Variants in LYN observed in about 807,000 individuals in gnomAD.
LYN encodes the protein tyrosine-protein kinase Lyn.
In LYN, 12 loss-of-function variants were observed where a neutral mutation model predicts 65.0. The ratio of observed to expected loss-of-function variants is 0.18; its 90% CI spans 0.12 to 0.30. The LOEUF is 0.30. LYN is among the 10% of genes least tolerant of loss of function. LYN has a pLI of 1.00. For missense variants in LYN, 380 were observed against 623.2 expected, an observed-to-expected ratio of 0.61 and a Z score of 4.16; for synonymous variants, 222 against 221.2, an observed-to-expected ratio of 1.00 and a Z score of -0.03.
chr8:55,974,593 A>T (rs1412324483), intron 10 of LYN, among the ~76,000 whole-genome samples: 1 of 152,166 alleles, frequency 6.6e-6, no homozygotes, highest in East Asian at 1.9e-4. Context: ...GAAACTCACC[A>T]GTATGTTGGT....
chr8:55,959,988 G>A (rs951121660), intron 8 of LYN, among the ~76,000 whole-genome samples: 16 of 152,198 alleles, frequency 1.1e-4, no homozygotes, highest in African/African-American at 3.9e-4. Context: ...GAAAGTAGAT[G>A]ACTGGTTGCC....
intron 2 of LYN, among the ~76,000 whole-genome samples, chr8:55,943,153 A>G (rs1301648811): frequency 1.3e-5 from 2 of 152,216 alleles, no homozygotes; most frequent in African/African-American, 2.4e-5. Context: ...GAACAATTAT[A>G]ACCTGAAATC....
chr8:55,922,599 T>C (rs1004584244), intron 1 of LYN, among the ~76,000 whole-genome samples: 3 of 151,906 alleles, frequency 2.0e-5, no homozygotes, highest in Admixed American at 6.6e-5. Context: ...GAAACCCCAT[T>C]TCAACTAAAA....
chr8:55,925,787 T>A (rs1426291148), intron 1 of LYN, among the ~76,000 whole-genome samples: 5 of 152,226 alleles, frequency 3.3e-5, no homozygotes, highest in African/African-American at 1.2e-4. Flanking sequence ...TGTCTTGCTG[T>A]GTTTGATTTT....
intron 1 of LYN, among the ~76,000 whole-genome samples, chr8:55,918,152 ACT>A (rs1028336388): frequency 1.3e-5 from 2 of 151,988 alleles, no homozygotes; most frequent in African/African-American, 4.8e-5. Context: ...ACAGGTCTCC[ACT>A]CTCTGCTGTC....
Position 55,953,996 on chromosome 8 carries a change from G to A in LYN, c.790+12G>A. Reference sequence around the variant, plus strand: ...GGAAGTCTGGATGGGTAAGTGTGCGGCTCGGGGATCTATGTCCTTCTAGAG... The same window carrying A: ...GGAAGTCTGGATGGGTAAGTGTGCGACTCGGGGATCTATGTCCTTCTAGAG... On this transcript the variant is annotated intron_variant, in intron 8 of 12. Transcript: ENST00000519728. 1 of 1,613,050 alleles carries A rather than the reference G, an allele frequency of 6.2e-7. No individual in the cohort carries two copies. The highest frequency in any genetic ancestry group is 8.5e-7 in the Non-Finnish European group (1 of 1,179,594).
intron 1 of LYN, among the ~76,000 whole-genome samples, chr8:55,911,608 A>G (rs1437856245): frequency 6.6e-6 from 1 of 151,974 alleles, no homozygotes; most frequent in Non-Finnish European, 1.5e-5. Flanking sequence ...AAGTATTTAT[A>G]CATATGTGAA....
chr8:55,969,590 C>T, intron 9 of LYN, 127 bp from the exon 10 acceptor site: 1 of 748,690 alleles, frequency 1.3e-6, no homozygotes, highest in Non-Finnish European at 2.4e-6. Context: ...TTTATATAAC[C>T]ATACAGAATT....
intron 1 of LYN, among the ~76,000 whole-genome samples, chr8:55,905,038 G>A (rs1310242970): frequency 6.6e-6 from 1 of 152,146 alleles, no homozygotes; most frequent in African/African-American, 2.4e-5. Context: ...AGTTCCCCAG[G>A]TGATTCTGCT....
intron 8 of LYN, among the ~76,000 whole-genome samples, chr8:55,961,921 C>T (rs999073623): frequency 2.0e-5 from 3 of 150,454 alleles, no homozygotes; most frequent in Non-Finnish European, 3.0e-5. Flanking sequence ...ACAGCTATTC[C>T]GACCTTCCTG....
chr8:55,986,215 G>A (rs1364401127), intron 10 of LYN, among the ~76,000 whole-genome samples: 3 of 147,246 alleles, frequency 2.0e-5, no homozygotes, highest in East Asian at 1.9e-4. Context: ...GCTACCTTAT[G>A]TATATGCTAA....
At chr8:55,935,287 G>A (rs1178463201) in intron 1 of LYN, among the ~76,000 whole-genome samples, 1 of 152,198 alleles carries the variant, frequency 6.6e-6, no homozygotes, top group African/African-American at 2.4e-5. Flanking sequence ...GATAGAGAAA[G>A]CCGTGCTATG....
intron 1 of LYN, among the ~76,000 whole-genome samples, chr8:55,934,768 C>T (rs936945438): frequency 3.9e-5 from 6 of 152,194 alleles, no homozygotes; most frequent in African/African-American, 1.4e-4. Flanking sequence ...GTCTTAAACC[C>T]ACTTCCCACC....
chr8:55,985,800 T>C (rs893236020), intron 10 of LYN, among the ~76,000 whole-genome samples: 1 of 152,020 alleles, frequency 6.6e-6, no homozygotes, highest in Non-Finnish European at 1.5e-5. Flanking sequence ...GGCAGGACTG[T>C]GTGTGGTTGG....
At chr8:55,903,181 C>T (rs960992543) in intron 1 of LYN, among the ~76,000 whole-genome samples, 5 of 151,980 alleles carry the variant, frequency 3.3e-5, no homozygotes, top group South Asian at 2.1e-4. Context: ...TTGGTAGAGA[C>T]GGGATTTCAC....
chr8:55,942,522 C>G (rs971022727), intron 2 of LYN, among the ~76,000 whole-genome samples: 1 of 150,814 alleles, frequency 6.6e-6, no homozygotes, highest in Non-Finnish European at 1.5e-5. Flanking sequence ...CGCGGTGGCT[C>G]ACGCTTGTAA....
intron 1 of LYN, among the ~76,000 whole-genome samples, chr8:55,901,537 T>TAGTATCCCCCAAACCTGG (rs1409566731): frequency 2.0e-5 from 3 of 152,190 alleles, no homozygotes; most frequent in Non-Finnish European, 4.4e-5. Flanking sequence ...TCCCTGGACT[T>TAGTATCCCCCAAACCTGG]AGTATCCCCC....
At chr8:55,923,408 A>G (rs533165181) in intron 1 of LYN, among the ~76,000 whole-genome samples, 1 of 152,144 alleles carries the variant, frequency 6.6e-6, no homozygotes, top group African/African-American at 2.4e-5. Flanking sequence ...ACTGCTTCCC[A>G]CTTCCAAAAA....
At chr8:55,922,281 G>A (rs1384990450) in intron 1 of LYN, among the ~76,000 whole-genome samples, 1 of 151,860 alleles carries the variant, frequency 6.6e-6, no homozygotes, top group Non-Finnish European at 1.5e-5. Context: ...ATAGAGAGGG[G>A]GTCTCACTGT....
Sources: gnomAD v4.1 joint callset for allele counts (sites outside exome capture counted in the v4.1 genomes callset) on GRCh38, gnomAD v4.1.1 for gene constraint, MANE v1.5 for transcripts, NCBI Gene and HGNC (gene_info 2026-07-23, HGNC 2026-07-21) for gene names.